DNM3: variants seen among roughly 807,000 people sequenced by gnomAD.
DNM3 encodes dynamin-3.
DNM3 carries 47 observed loss-of-function variants against 101.6 expected under a neutral mutation model. The ratio of observed to expected loss-of-function variants is 0.46; its 90% CI spans 0.37 to 0.59. DNM3 has a LOEUF of 0.59. DNM3 is among the 20% of genes least tolerant of loss of function. The pLI is 0.00. For missense variants in DNM3, 849 were observed against 1,085.7 expected (o/e 0.78, Z 3.06); for synonymous variants, 385 against 387.9 (o/e 0.99, Z 0.09).
chr1:171,923,347 T>C (rs1164440874), intron 2 of DNM3, among the ~76,000 whole-genome samples: 4 of 152,222 alleles, frequency 2.6e-5, no homozygotes, highest in Admixed American at 6.5e-5. Flanking sequence ...CTTTGCCTAG[T>C]TTTAAATTTG....
intron 14 of DNM3, among the ~76,000 whole-genome samples, chr1:172,233,743 A>T (rs1161468912): frequency 6.6e-6 from 1 of 152,182 alleles, no homozygotes; most frequent in African/African-American, 2.4e-5. Context: ...AACATATGCA[A>T]ATCAATAAAT....
At chr1:172,016,594 T>A (rs751046386) in intron 4 of DNM3, among the ~76,000 whole-genome samples, 23 of 152,184 alleles carry the variant, frequency 1.5e-4, no homozygotes, top group Non-Finnish European at 2.4e-4. Flanking sequence ...GTTTTGGTAT[T>A]AGGGTAATGC....
At chr1:171,913,359 C>T (rs758404850) in intron 1 of DNM3, among the ~76,000 whole-genome samples, 4 of 152,080 alleles carry the variant, frequency 2.6e-5, no homozygotes, top group Admixed American at 1.3e-4. Context: ...TTGAGTACTT[C>T]ATATTATAGA....
chr1:172,233,703 G>T (rs1231016191), intron 14 of DNM3, among the ~76,000 whole-genome samples: 1 of 152,026 alleles, frequency 6.6e-6, no homozygotes, highest in Non-Finnish European at 1.5e-5. Flanking sequence ...TGATCAAGTG[G>T]GCTTCATCCC....
rs140914043 is a variant in DNM3, at chr1:172,266,563, A to G, written c.1769+12881A>G. ...TTTTTATCCCACTTTTGTCAAAACA[A>G]TGTTTAAGACATTACTTCTTGCCTC... is the stretch of plus-strand genomic sequence containing the variant. On this transcript the variant is annotated intron_variant, in intron 15 of 20. Coordinates refer to ENST00000627582, the MANE Select transcript of DNM3 (RefSeq NM_015569.5). 3.3e-3 allele frequency among the ~76,000 whole-genome samples: 503 copies of G among 152,354 alleles called. 5 individuals carry two copies. The highest frequency in any genetic ancestry group is 6.2e-3 in the Non-Finnish European group (422 of 68,036).
At chr1:172,280,830 C>A (rs888981875) in intron 15 of DNM3, among the ~76,000 whole-genome samples, 36 of 152,212 alleles carry the variant, frequency 2.4e-4, no homozygotes, top group African/African-American at 8.4e-4. Context: ...TGCATACATG[C>A]ACACACAGAG....
intron 1 of DNM3, among the ~76,000 whole-genome samples, chr1:171,852,883 TTTTGTTTGTTTG>T (rs147720795): frequency 1.3e-5 from 2 of 151,940 alleles, no homozygotes; most frequent in South Asian, 2.1e-4. Context: ...TTTGAAGGTT[TTTTGTTTGTTTG>T]TTTGTTTGTT....
intron 10 of DNM3, among the ~76,000 whole-genome samples, chr1:172,057,172 C>T (rs2050713561): frequency 6.6e-6 from 1 of 152,116 alleles, no homozygotes; most frequent in South Asian, 2.1e-4. Context: ...CGAGCAAAGC[C>T]TCCAAGAAAT....
chr1:172,115,769 C>G (rs1020712398), intron 13 of DNM3, among the ~76,000 whole-genome samples: 4 of 152,164 alleles, frequency 2.6e-5, no homozygotes, highest in African/African-American at 9.7e-5. Context: ...ATTGAAGAGG[C>G]CTTTCCTGAT....
At chr1:172,273,331 TC>T in intron 15 of DNM3, among the ~76,000 whole-genome samples, 1 of 152,154 alleles carries the variant, frequency 6.6e-6, no homozygotes, top group South Asian at 2.1e-4. Context: ...CAATGAGCCA[TC>T]CTTAAACATA....
intron 14 of DNM3, among the ~76,000 whole-genome samples, chr1:172,233,837 A>G (rs2061432271): frequency 6.6e-6 from 1 of 152,232 alleles, no homozygotes; most frequent in Non-Finnish European, 1.5e-5. Flanking sequence ...ACAAAATTCA[A>G]CAGCCCTTCA....
chr1:172,223,408 A>T (rs1165099336), intron 14 of DNM3, among the ~76,000 whole-genome samples: 1 of 151,844 alleles, frequency 6.6e-6, no homozygotes, highest in African/African-American at 2.4e-5. Context: ...AAAATCCCAT[A>T]TATCACTATA....
chr1:172,208,008 G>A (rs1353733422), intron 14 of DNM3, among the ~76,000 whole-genome samples: 1 of 151,720 alleles, frequency 6.6e-6, no homozygotes, highest in African/African-American at 2.4e-5. Context: ...TGCTAAGTTT[G>A]TATAGCTTTA....
At chr1:171,879,221 G>A (rs917654753) in intron 1 of DNM3, among the ~76,000 whole-genome samples, 1 of 152,214 alleles carries the variant, frequency 6.6e-6, no homozygotes, top group Non-Finnish European at 1.5e-5. Context: ...GCTGGAAGAA[G>A]TTAGACTGTT....
intron 20 of DNM3, among the ~76,000 whole-genome samples, chr1:172,392,692 G>C (rs1573717746): frequency 6.6e-6 from 1 of 151,988 alleles, no homozygotes; most frequent in African/African-American, 2.4e-5. Context: ...CCTTTCCTTG[G>C]ACTAAGCTAT....
At chr1:172,002,105 AC>A (rs1317858527) in intron 4 of DNM3, among the ~76,000 whole-genome samples, 3 of 152,004 alleles carry the variant, frequency 2.0e-5, no homozygotes, top group Non-Finnish European at 4.4e-5. Context: ...CCTGTTCTTC[AC>A]CCCAATTAGA....
chr1:172,200,906 T>G (rs2060129346), intron 14 of DNM3, among the ~76,000 whole-genome samples: 1 of 152,274 alleles, frequency 6.6e-6, no homozygotes, highest in African/African-American at 2.4e-5. Context: ...TTACAGCCCG[T>G]TCAGCCTGGC....
chr1:172,140,669 G>C (rs1488845405), intron 14 of DNM3: 1 of 151,722 alleles, frequency 6.6e-6, no homozygotes, highest in Non-Finnish European at 1.5e-5. Flanking sequence ...ATTAAGGCAA[G>C]ATATAAAAAT....
intron 20 of DNM3, among the ~76,000 whole-genome samples, chr1:172,392,039 G>C (rs2001128): frequency 0.48 from 73,261 of 152,072 alleles, 20,477 homozygotes; most frequent in East Asian, 0.87. Context: ...TGAGTGTTCT[G>C]CTTTTAAAAA....
Sources: gnomAD v4.1 joint callset for allele counts (sites outside exome capture counted in the v4.1 genomes callset) on GRCh38, gnomAD v4.1.1 for gene constraint, MANE v1.5 for transcripts, NCBI Gene and HGNC (gene_info 2026-07-23, HGNC 2026-07-21) for gene names.